The following RAB8A variants were observed in gnomAD, a reference collection of about 807,000 sequenced individuals.
RAB8A encodes ras-related protein Rab-8A.
In RAB8A, 5 loss-of-function variants were observed where a neutral mutation model predicts 29.2. The observed-to-expected ratio is 0.17, with a 90% CI of 0.09 to 0.36. The LOEUF (loss-of-function observed/expected upper bound fraction) is 0.36, where lower values mean the gene tolerates loss of function less well. Ranked by LOEUF, RAB8A falls within the 10% of genes least tolerant of loss-of-function variation. RAB8A has a pLI of 1.00. For synonymous variants in RAB8A, 108 were observed against 99.9 expected, an observed-to-expected ratio of 1.08 and a Z score of -0.49; for missense variants, 171 against 272.2, an observed-to-expected ratio of 0.63 and a Z score of 2.62.
intron 3 of RAB8A, among the ~76,000 whole-genome samples, chr19:16,123,374 G>A (rs1011830889): frequency 2.0e-5 from 3 of 152,198 alleles, no homozygotes; most frequent in South Asian, 2.1e-4. Flanking sequence ...TTGGGAGGCC[G>A]AGGTGGGTAG....
chr19:16,119,282 C>T lies in RAB8A; in HGVS notation c.185+996C>T, dbSNP rs188792271. On this transcript the variant is annotated intron_variant, in intron 2 of 7. Coordinates refer to ENST00000300935, the MANE Select transcript of RAB8A (RefSeq NM_005370.5). ...GTGCAATGGCGCGATCTTGTCTCAC[C>T]GCAACCTCTGCCCCCCGGGTTCAAG... 1.2e-4 allele frequency among the ~76,000 whole-genome samples: 19 copies of T among 152,086 alleles called. 1 individual carries two copies. The highest frequency in any genetic ancestry group is 3.9e-4 in the African/African-American group (16 of 41,490).
rs552443611 is a variant in RAB8A, at chr19:16,117,387, G to A, written c.125-839G>A. Among the ~76,000 whole-genome samples, 46 of 152,128 alleles carry A rather than the reference G, an allele frequency of 3.0e-4. 2 individuals carry two copies. The South Asian group carries it at 9.5e-3, about 31-fold the overall frequency. On this transcript the variant is annotated intron_variant, in intron 1 of 7. Coordinates refer to ENST00000300935, the MANE Select transcript of RAB8A (RefSeq NM_005370.5). ...ACCTGTGGTCCCAGCTACTCGGGAG[G>A]CTGAGGCAGGAGAATCACTTGAACC...
rs1183018562 is a variant in RAB8A, at chr19:16,132,223, C to G, written c.543C>G (p.Ser181Arg). ...TCTTGTGATTTCAGGAAGGCAACAGCCCCCAGGGGAGCAACCAGGGAGTCA... is the reference window on the plus strand; with the variant it reads ...TCTTGTGATTTCAGGAAGGCAACAGGCCCCAGGGGAGCAACCAGGGAGTCA... ...AKMDKKLEGN[S>R]PQGSNQGVKI... The change falls in exon 8 of 8, where the codon AGC (serine) becomes AGG (arginine). Residue 181 changes from serine (S) to arginine (R), a missense_variant. Ser to Arg is a moderately radical substitution (Grantham distance 110). Transcript: ENST00000300935. The surrounding 1 kb of genome is among the most constrained non-coding windows in gnomAD (Gnocchi z 5.6). 1 of 1,613,600 alleles carries G rather than the reference C, an allele frequency of 6.2e-7. No individual in the cohort carries two copies. Among genetic ancestry groups the G allele is most frequent in the East Asian group, 2.2e-5 (1 of 44,880 alleles).
Position 16,114,351 on chromosome 19 carries a change from T to G in RAB8A, c.124+2326T>G, listed in dbSNP as rs1249784884. Among the ~76,000 whole-genome samples, 7 of 149,704 alleles carry G rather than the reference T, an allele frequency of 4.7e-5. No homozygotes were observed. In the Admixed American group the frequency reaches 4.7e-4, roughly 10 times the overall value. On this transcript the variant is annotated intron_variant, in intron 1 of 7. Coordinates refer to ENST00000300935, the MANE Select transcript of RAB8A (RefSeq NM_005370.5). ...GCTTGCATTCACTCAGATCCCAGTT[T>G]CCCAGCCTTCCCCACAAACCCCCCT...
At chr19:16,124,215 A>G (rs987816958) in intron 3 of RAB8A, 5 of 151,910 alleles carry the variant, frequency 3.3e-5, no homozygotes, top group East Asian at 1.9e-4. Context: ...GTTCTTCGCC[A>G]TGGTTGCGGC....
intron 1 of RAB8A, among the ~76,000 whole-genome samples, chr19:16,116,384 G>A (rs1482767584): frequency 6.6e-6 from 1 of 152,014 alleles, no homozygotes; most frequent in Admixed American, 6.6e-5. Flanking sequence ...CACTGAAAGA[G>A]GCTTTAAAAA....
intron 6 of RAB8A, 62 bp downstream of exon 6, chr19:16,128,153 G>A: frequency 1.9e-6 from 3 of 1,566,494 alleles, no homozygotes; most frequent in Admixed American, 1.7e-5. Context: ...CAGGCTAAAG[G>A]GGGAGCTGGC....
chr19:16,130,637 T>C (rs2090920828), intron 7 of RAB8A, among the ~76,000 whole-genome samples: 1 of 152,144 alleles, frequency 6.6e-6, no homozygotes, highest in Admixed American at 6.6e-5. Flanking sequence ...TTTTTTCTTT[T>C]AGTTTTCTTA....
chr19:16,128,887 C>T (rs1429646604), intron 6 of RAB8A, among the ~76,000 whole-genome samples: 1 of 152,240 alleles, frequency 6.6e-6, no homozygotes, highest in Non-Finnish European at 1.5e-5. Context: ...CACCCCAAGC[C>T]ACTCTCCTCT....
Position 16,112,034 on chromosome 19 carries a change from A to T in RAB8A, c.124+9A>T, listed in dbSNP as rs1411974163. On this transcript the variant is annotated intron_variant, in intron 1 of 7. Coordinates refer to ENST00000300935, the MANE Select transcript of RAB8A (RefSeq NM_005370.5). ...TTTTATCTCCACCATAGGTAACGGG[A>T]CCGGGGAATGGCTGGGGGCGCCGGA... 4 of 1,613,426 alleles carry T rather than the reference A, an allele frequency of 2.5e-6. No homozygotes were observed. Among genetic ancestry groups the T allele is most frequent in the Non-Finnish European group, 3.4e-6 (4 of 1,179,554 alleles).
At position 16,121,922 on chromosome 19, in the gene RAB8A, C is replaced by G. The variant is rs1226537425; in HGVS notation, c.246+112C>G. ...TTTCTGTGGAGCCCGTGCCCCAACT[C>G]CTCAGGGCTCCTTGGTCCCAAGTTA... On this transcript the variant is annotated intron_variant, in intron 3 of 7. Coordinates refer to ENST00000300935, the MANE Select transcript of RAB8A (RefSeq NM_005370.5). 16 of 1,017,554 alleles carry G rather than the reference C, an allele frequency of 1.6e-5. No homozygotes were observed. In the East Asian group the frequency reaches 3.9e-4, roughly 25 times the overall value. 63.0% of individuals were successfully genotyped at this position (1,017,554 alleles called of 1,614,324 possible).
At chr19:16,121,137 A>G (rs112197909) in intron 2 of RAB8A, among the ~76,000 whole-genome samples, 24,370 of 145,302 alleles carry the variant, frequency 0.17, 2,096 homozygotes, top group Middle Eastern at 0.22. Flanking sequence ...GGCTGGTCTC[A>G]ACCTCCTGAC....
At chr19:16,131,478 G>A (rs77500010) in intron 7 of RAB8A, among the ~76,000 whole-genome samples, 2,011 of 151,778 alleles carry the variant, frequency 0.013, 45 homozygotes, top group African/African-American at 0.044. Flanking sequence ...ATGGTTGGTT[G>A]GAAGGAGGTG....
At chr19:16,119,895 C>T (rs2090866030) in intron 2 of RAB8A, among the ~76,000 whole-genome samples, 1 of 151,792 alleles carries the variant, frequency 6.6e-6, no homozygotes, top group Non-Finnish European at 1.5e-5. Flanking sequence ...CTCACTGCAA[C>T]CTCCGCCTCC....
intron 4 of RAB8A, chr19:16,126,362 C>T (rs747712083): frequency 6.5e-6 from 1 of 152,708 alleles, no homozygotes; most frequent in Non-Finnish European, 1.5e-5. Flanking sequence ...TGTCTTCATC[C>T]GTGGAGAGGA....
chr19:16,113,014 C>A (rs1427572384), intron 1 of RAB8A, among the ~76,000 whole-genome samples: 2 of 152,204 alleles, frequency 1.3e-5, no homozygotes, highest in Non-Finnish European at 2.9e-5. Flanking sequence ...GCCCAAGACT[C>A]CAGCTGTCAC....
At position 16,125,010 on chromosome 19, in the gene RAB8A, C is replaced by CATGAAA; in HGVS notation, c.247-459_247-458insTGAAAA. The CATGAAA allele has an allele frequency of 1.6e-5, 3 of 190,690 alleles. No individual in the cohort carries two copies. The highest frequency in any genetic ancestry group is 2.2e-5 in the Non-Finnish European group (2 of 90,058). The allele number at this position is 190,690 out of a possible 1,614,324, so 11.8% of individuals were successfully genotyped here. A position where few individuals can be genotyped will look rare whatever the true frequency, so the allele number is the denominator to read the frequency against. On this transcript the variant is annotated intron_variant, in intron 3 of 7. Transcript: ENST00000300935. This position sits in a 1 kb window ranked among gnomAD's most constrained non-coding sequence, Gnocchi z 5.0. ...ATGTCGGGTCAGGACTTCCTGGGCT[C>CATGAAA]AGTTGTGCCTGGTAGGTGGCTCAGG...
chr19:16,125,554 C>A lies in RAB8A; in HGVS notation c.324+7C>A. 1.2e-6 allele frequency: 2 copies of A among 1,606,904 alleles called. No individual in the cohort carries two copies. The highest frequency in any genetic ancestry group is 1.7e-6 in the Non-Finnish European group (2 of 1,175,426). ...GATTCGCAACATTGAGGAGGTGAGG[C>A]CCTCCGGCTCCTCCCACTGTCCCTG... is the stretch of plus-strand genomic sequence containing the variant. On this transcript the variant is annotated splice_region_variant and intron_variant, in intron 4 of 7. Coordinates refer to ENST00000300935, the MANE Select transcript of RAB8A (RefSeq NM_005370.5). This position sits in a 1 kb window ranked among gnomAD's most constrained non-coding sequence, Gnocchi z 5.0.
Position 16,127,581 on chromosome 19 carries a change from A to G in RAB8A, c.414+55A>G, listed in dbSNP as rs1239872218. ...CCTCGGGGTCTTGGGGTTCTTGTGC[A>G]GAGGCCTTCCCCTGTCCCTCCTCTG... On this transcript the variant is annotated intron_variant, in intron 5 of 7. Transcript: ENST00000300935. The surrounding 1 kb of genome is among the most constrained non-coding windows in gnomAD (Gnocchi z 4.8). 2 of 1,347,068 alleles carry G rather than the reference A, an allele frequency of 1.5e-6. No individual in the cohort carries two copies. Among genetic ancestry groups the G allele is most frequent in the African/African-American group, 1.5e-5 (1 of 68,252 alleles). 83.4% of individuals were successfully genotyped at this position (1,347,068 alleles called of 1,614,324 possible).
Sources: allele counts gnomAD v4.1 joint callset (sites outside exome capture counted in the v4.1 genomes callset), GRCh38; gene constraint gnomAD v4.1.1; non-coding constraint Gnocchi (gnomAD v3.1); transcripts MANE v1.5; gene names NCBI Gene and HGNC (gene_info 2026-07-23, HGNC 2026-07-21).